CASK: variants seen among roughly 807,000 people sequenced by gnomAD.
CASK encodes the protein calcium/calmodulin dependent serine protein kinase, also known as peripheral plasma membrane protein CASK.
A neutral mutation model predicts 82.9 loss-of-function variants in CASK; 4 were observed. The ratio of observed to expected loss-of-function variants is 0.05; its 90% CI spans 0.02 to 0.11. The LOEUF (loss-of-function observed/expected upper bound fraction) is 0.11, where lower values mean the gene tolerates loss of function less well. Ranked by LOEUF, CASK falls within the 10% of genes least tolerant of loss-of-function variation. The pLI is 1.00. For synonymous variants in CASK, 259 were observed against 253.5 expected, an observed-to-expected ratio of 1.02 and a Z score of -0.20; for missense variants, 358 against 720.9, an observed-to-expected ratio of 0.50 and a Z score of 5.76.
intron 25 of CASK, among the ~76,000 whole-genome samples, chrX:41,525,591 T>A (rs765810572): frequency 9.0e-6 from 1 of 111,663 alleles, no homozygotes; most frequent in Admixed American, 9.5e-5. Flanking sequence ...AGGGAGGGAC[T>A]GTGTCTTGTT....
chrX:41,766,773 G>T (rs1289072829), intron 3 of CASK, among the ~76,000 whole-genome samples: 2 of 111,376 alleles, frequency 1.8e-5, no homozygotes, highest in Non-Finnish European at 3.8e-5. Context: ...TGTAGTCCCA[G>T]CTACCTGGGG....
chrX:41,761,134 G>A (rs916493886), intron 3 of CASK, among the ~76,000 whole-genome samples: 1 of 112,013 alleles, frequency 8.9e-6, no homozygotes, highest in East Asian at 2.8e-4. Context: ...TATCAGTGCA[G>A]CCCCTGCCAT....
intron 12 of CASK, among the ~76,000 whole-genome samples, chrX:41,590,383 G>A (rs767273098): frequency 4.7e-5 from 5 of 107,460 alleles, no homozygotes; most frequent in South Asian, 4.1e-4. Context: ...AGTGGTGGGC[G>A]CCTGTAACCC....
chrX:41,663,293 G>A (rs1402003455), intron 7 of CASK, among the ~76,000 whole-genome samples: 2 of 111,789 alleles, frequency 1.8e-5, no homozygotes, highest in Non-Finnish European at 3.8e-5. Context: ...AGATGGTAGA[G>A]ATGGATCTAT....
At chrX:41,788,014 G>A (rs2069647644) in intron 2 of CASK, among the ~76,000 whole-genome samples, 3 of 109,143 alleles carry the variant, frequency 2.7e-5, no homozygotes, top group South Asian at 3.9e-4. Flanking sequence ...AAAATTAGCC[G>A]GGCATGGTGG....
intron 1 of CASK, among the ~76,000 whole-genome samples, chrX:41,884,502 G>A (rs2148031955): frequency 8.9e-6 from 1 of 112,115 alleles, no homozygotes; most frequent in South Asian, 3.7e-4. Context: ...CTAAAGAGGT[G>A]TACTGTAGCA....
At chrX:41,555,532 A>C (rs2065149382) in intron 20 of CASK, 68 bp downstream of exon 20, 4 of 810,911 alleles carry the variant, frequency 4.9e-6, no homozygotes, top group Non-Finnish European at 7.5e-6. Context: ...TGGGATGGAA[A>C]GGGTTAATAA....
At chrX:41,816,018 G>C (rs1303843149) in intron 2 of CASK, among the ~76,000 whole-genome samples, 1 of 110,944 alleles carries the variant, frequency 9.0e-6, no homozygotes, top group East Asian at 2.8e-4. Context: ...ACACCACCAT[G>C]CCTGGCTTAT....
intron 5 of CASK, chrX:41,697,673 A>G (rs1353828976): frequency 8.9e-6 from 1 of 112,356 alleles, no homozygotes; most frequent in Non-Finnish European, 1.9e-5. Context: ...GAAATGAACT[A>G]CACTCACATG....
At chrX:41,738,648 C>G (rs1194256235) in intron 5 of CASK, among the ~76,000 whole-genome samples, 1 of 111,837 alleles carries the variant, frequency 8.9e-6, no homozygotes, top group Admixed American at 9.6e-5. Flanking sequence ...TATGTGCATG[C>G]TGGAGGTTAG....
At chrX:41,799,618 A>C (rs1240627352) in intron 2 of CASK, among the ~76,000 whole-genome samples, 5 of 108,520 alleles carry the variant, frequency 4.6e-5, no homozygotes, top group African/African-American at 1.7e-4. Context: ...GCTCAGGGAT[A>C]TCTCTCCCCT....
chrX:41,661,711 C>T (rs1464478477), intron 7 of CASK, among the ~76,000 whole-genome samples: 1 of 108,855 alleles, frequency 9.2e-6, no homozygotes, highest in Non-Finnish European at 1.9e-5. Context: ...CAAATAGTAG[C>T]CACTTCTGCT....
At chrX:41,901,440 T>G (rs192575303) in intron 1 of CASK, among the ~76,000 whole-genome samples, 2 of 107,378 alleles carry the variant, frequency 1.9e-5, no homozygotes, top group East Asian at 5.9e-4. Flanking sequence ...TGAGCTGTGA[T>G]CACTCCACTA....
chrX:41,536,065 C>T (rs1288152604), intron 22 of CASK, among the ~76,000 whole-genome samples: 1 of 111,254 alleles, frequency 9.0e-6, no homozygotes, highest in Non-Finnish European at 1.9e-5. Flanking sequence ...AAAATAAATT[C>T]AGTAAAATTG....
At chrX:41,559,469 C>A in intron 18 of CASK, 1 of 280,777 alleles carries the variant, frequency 3.6e-6, no homozygotes, top group Non-Finnish European at 6.4e-6. Flanking sequence ...CAATTATGGC[C>A]TTTAGTTTTT....
At chrX:41,778,405 A>G (rs1162446611) in intron 3 of CASK, among the ~76,000 whole-genome samples, 1 of 109,768 alleles carries the variant, frequency 9.1e-6, no homozygotes, top group Non-Finnish European at 1.9e-5. Context: ...TAATTTTTGT[A>G]TTTTTAGTAG....
chrX:41,609,846 C>T (rs1376701628), intron 12 of CASK, 58 bp downstream of exon 12: 33 of 1,175,717 alleles, frequency 2.8e-5, no homozygotes, highest in Admixed American at 6.6e-5. Context: ...CATGAGCCAC[C>T]GTGCCCGGCC....
chrX:41,654,897 T>TG (rs1219034483), intron 8 of CASK, among the ~76,000 whole-genome samples: 1 of 109,873 alleles, frequency 9.1e-6, no homozygotes, highest in African/African-American at 3.3e-5. Flanking sequence ...AACAGTTACT[T>TG]GGGGTAATGT....
chrX:41,613,043 T>G (rs768142475), intron 11 of CASK, among the ~76,000 whole-genome samples: 1 of 104,928 alleles, frequency 9.5e-6, no homozygotes, highest in Non-Finnish European at 2.0e-5. Flanking sequence ...AGCTGCCCCG[T>G]CTGGGAGGTG....
Sources: allele counts gnomAD v4.1 joint callset (sites outside exome capture counted in the v4.1 genomes callset), GRCh38; gene constraint gnomAD v4.1.1; transcripts MANE v1.5; gene names NCBI Gene and HGNC (gene_info 2026-07-23, HGNC 2026-07-21).